PLPP1: variants seen among roughly 807,000 people sequenced by gnomAD.
PLPP1 encodes the protein lipid phosphate phosphohydrolase 1a.
Under a neutral mutation model 31.2 loss-of-function variants are expected in PLPP1, and 24 were observed. The observed-to-expected ratio is 0.77, with a 90% CI of 0.56 to 1.08. The LOEUF is 1.08. Ranked by LOEUF, PLPP1 falls within the 50% of genes least tolerant of loss-of-function variation. PLPP1 has a pLI of 0.00. For synonymous variants in PLPP1, 146 were observed against 126.3 expected (o/e 1.16, Z -1.05); for missense variants, 319 against 342.7 (o/e 0.93, Z 0.55).
At chr5:55,533,465 C>T (rs1290735371) in intron 1 of PLPP1, among the ~76,000 whole-genome samples, 1 of 151,586 alleles carries the variant, frequency 6.6e-6, no homozygotes, top group East Asian at 1.9e-4. Flanking sequence ...AAGAATTCCA[C>T]AAGATTGCAA....
At chr5:55,436,355 TAGTA>T (rs1214551404) in intron 4 of PLPP1, among the ~76,000 whole-genome samples, 7 of 152,144 alleles carry the variant, frequency 4.6e-5, no homozygotes, top group Admixed American at 1.3e-4. Flanking sequence ...GTTCTTGTGA[TAGTA>T]AGTCTCACGA....
chr5:55,477,194 C>T (rs997235302), intron 1 of PLPP1, among the ~76,000 whole-genome samples: 1 of 152,084 alleles, frequency 6.6e-6, no homozygotes, highest in Non-Finnish European at 1.5e-5. Context: ...ACCATGGTTA[C>T]AATATAACTT....
At chr5:55,502,523 C>G (rs1388150100) in intron 1 of PLPP1, among the ~76,000 whole-genome samples, 1 of 151,962 alleles carries the variant, frequency 6.6e-6, no homozygotes, top group Non-Finnish European at 1.5e-5. Flanking sequence ...AATGTGTTGT[C>G]CAGTGCAGTA....
chr5:55,509,331 T>A (rs879381552), intron 1 of PLPP1, among the ~76,000 whole-genome samples: 11 of 152,168 alleles, frequency 7.2e-5, no homozygotes, highest in Non-Finnish European at 1.5e-4. Context: ...TATTTGAGTG[T>A]GATTCACAGA....
At chr5:55,443,192 A>AAAAAAAT in intron 3 of PLPP1, among the ~76,000 whole-genome samples, 1 of 25,418 alleles carries the variant, frequency 3.9e-5, no homozygotes, top group African/African-American at 1.1e-4. Context: ...AAAAAAAAAA[A>AAAAAAAT]ATATATATAT....
In PLPP1 at chr5:55,468,088, C is replaced by T. The variant is rs756416817; in HGVS notation, c.272G>A (p.Arg91Lys). 3 of 1,613,454 alleles carry T rather than the reference C, an allele frequency of 1.9e-6. No individual in the cohort carries two copies. Among genetic ancestry groups the T allele is most frequent in the Admixed American group, 3.3e-5 (2 of 59,958 alleles). ...CNLLHSNSFI[R>K]NNYIATIYKA... ...GTAAATAGTGGCTATGTAGTTATTC[C>T]TGATAAAGGAATTTGAGTGCAAAAG... is the stretch of plus-strand genomic sequence containing the variant. Residue 91 changes from arginine (R) to lysine (K), a missense_variant, in exon 3 of 6, where the codon AGG (arginine) becomes AAG (lysine). Transcript: ENST00000307259.
intron 3 of PLPP1, among the ~76,000 whole-genome samples, chr5:55,446,861 T>G (rs1751777210): frequency 6.6e-6 from 1 of 152,204 alleles, no homozygotes; most frequent in Admixed American, 6.5e-5. Flanking sequence ...ATGTCTTTTA[T>G]GTCCTCTTCC....
chr5:55,532,520 A>AAC (rs1244678833), intron 1 of PLPP1, among the ~76,000 whole-genome samples: 1 of 152,242 alleles, frequency 6.6e-6, no homozygotes, highest in Non-Finnish European at 1.5e-5. Context: ...AACAAAGTTT[A>AAC]ACAAAGTTCC....
intron 1 of PLPP1, chr5:55,491,145 GATTAA>G (rs768297148): frequency 6.3e-7 from 1 of 1,599,042 alleles, no homozygotes; most frequent in Non-Finnish European, 8.5e-7. Flanking sequence ...AGACACACAT[GATTAA>G]ATTCAATTCA....
intron 2 of PLPP1, among the ~76,000 whole-genome samples, chr5:55,474,891 A>G (rs1752501589): frequency 6.6e-6 from 1 of 152,228 alleles, no homozygotes; most frequent in South Asian, 2.1e-4. Context: ...AAAGATTAGC[A>G]TAAAATCTAT....
chr5:55,425,495 A>G (rs1751158679), intron 5 of PLPP1, 161 bp from the exon 6 acceptor site: 3 of 639,432 alleles, frequency 4.7e-6, no homozygotes, highest in Non-Finnish European at 7.2e-6. Flanking sequence ...GATTTTTTAA[A>G]GATTATTCCA....
At chr5:55,425,782 A>AT (rs2111647748) in intron 5 of PLPP1, 81 bp downstream of exon 5, 2 of 1,219,938 alleles carry the variant, frequency 1.6e-6, no homozygotes, top group East Asian at 5.2e-5. Flanking sequence ...TCAGCTGGGG[A>AT]TTTTTTGGAT....
intron 4 of PLPP1, among the ~76,000 whole-genome samples, chr5:55,428,451 A>G (rs1751263447): frequency 6.6e-6 from 1 of 152,226 alleles, no homozygotes; most frequent in Non-Finnish European, 1.5e-5. Context: ...CACAGCTGAC[A>G]TGCCCAGAAA....
At position 55,468,168 on chromosome 5, in the gene PLPP1, A is replaced by G; in HGVS notation, c.211-19T>C. ...GAATAATCTGAAAAAGAAACAGAAA[A>G]ATAACATGTTAAAGTAGCAAGCAGG... On this transcript the variant is annotated intron_variant, in intron 2 of 5. Transcript: ENST00000307259. 6.5e-7 allele frequency: 1 copy of G among 1,549,518 alleles called. No homozygotes were observed. The highest frequency in any genetic ancestry group is 8.7e-7 in the Non-Finnish European group (1 of 1,145,040).
chr5:55,495,188 G>T (rs1410491777), intron 1 of PLPP1, among the ~76,000 whole-genome samples: 1 of 151,232 alleles, frequency 6.6e-6, no homozygotes, highest in Non-Finnish European at 1.5e-5. Flanking sequence ...TCAGGGTAAA[G>T]ATCAGAAGTA....
At chr5:55,459,058 T>C (rs969276688) in intron 3 of PLPP1, among the ~76,000 whole-genome samples, 4 of 151,832 alleles carry the variant, frequency 2.6e-5, no homozygotes, top group Admixed American at 6.6e-5. Flanking sequence ...ACACTTTAAA[T>C]TCAGAGATTC....
At chr5:55,485,780 CA>C in intron 1 of PLPP1, among the ~76,000 whole-genome samples, 1 of 152,152 alleles carries the variant, frequency 6.6e-6, no homozygotes, top group South Asian at 2.1e-4. Flanking sequence ...CAATATATTA[CA>C]AAAATCTTTC....
At chr5:55,463,337 G>A (rs1440648410) in intron 3 of PLPP1, among the ~76,000 whole-genome samples, 1 of 152,026 alleles carries the variant, frequency 6.6e-6, no homozygotes, top group African/African-American at 2.4e-5. Flanking sequence ...ATGTATCCTA[G>A]AACTTAAATT....
At chr5:55,452,676 C>T (rs1333489480) in intron 3 of PLPP1, among the ~76,000 whole-genome samples, 1 of 152,094 alleles carries the variant, frequency 6.6e-6, no homozygotes, top group Non-Finnish European at 1.5e-5. Flanking sequence ...AGAAACCTTT[C>T]CTAAAAATCT....
Sources: allele counts gnomAD v4.1 joint callset (sites outside exome capture counted in the v4.1 genomes callset), GRCh38; gene constraint gnomAD v4.1.1; transcripts MANE v1.5; gene names NCBI Gene and HGNC (gene_info 2026-07-23, HGNC 2026-07-21).